The following TRPM3 variants were observed in gnomAD, a reference collection of about 807,000 sequenced individuals.
The protein encoded by TRPM3 is transient receptor potential cation channel subfamily M member 3.
Under a neutral mutation model 181.2 loss-of-function variants are expected in TRPM3, and 77 were observed. The observed-to-expected ratio is 0.42, with a 90% CI of 0.35 to 0.51. The LOEUF (loss-of-function observed/expected upper bound fraction) is 0.51. Ranked by LOEUF, TRPM3 falls within the 20% of genes least tolerant of loss-of-function variation. TRPM3 has a pLI of 0.01. For missense variants in TRPM3, 1,759 were observed against 2,196.7 expected (o/e 0.80, Z 3.98); for synonymous variants, 745 against 796.4 (o/e 0.94, Z 1.09).
rs1167374740 is a variant in TRPM3, at chr9:71,254,724, T to C, written c.183+191929A>G. ...TTGAATGCCAAACCACATTAACAAATTGGTCTTGTACATATTTAGACAGTT... is the reference window on the plus strand; with the variant it reads ...TTGAATGCCAAACCACATTAACAAACTGGTCTTGTACATATTTAGACAGTT... On this transcript the variant is annotated intron_variant, in intron 1 of 24. Transcript: ENST00000357533. Among the ~76,000 whole-genome samples, 4 of 152,274 alleles carry C rather than the reference T, an allele frequency of 2.6e-5. No individual in the cohort carries two copies. In the East Asian group the frequency reaches 7.7e-4, roughly 29 times the overall value.
At chr9:70,580,862 T>C (rs1319624242) in intron 22 of TRPM3, among the ~76,000 whole-genome samples, 4 of 152,206 alleles carry the variant, frequency 2.6e-5, no homozygotes, top group Non-Finnish European at 4.4e-5. Flanking sequence ...AACACCTCTA[T>C]GAAAATATAT....
At chr9:71,315,329 C>A (rs1272739883) in intron 1 of TRPM3, among the ~76,000 whole-genome samples, 1 of 152,122 alleles carries the variant, frequency 6.6e-6, no homozygotes, top group Non-Finnish European at 1.5e-5. Flanking sequence ...CCAAGTGATT[C>A]TATTGCATAA....
chr9:70,579,152 T>G (rs2054891360), intron 22 of TRPM3: 1 of 152,390 alleles, frequency 6.6e-6, no homozygotes, highest in South Asian at 2.1e-4. Flanking sequence ...GATTTTTATT[T>G]TTAGTTTTTT....
chr9:71,400,197 G>T (rs1040476423), intron 1 of TRPM3, among the ~76,000 whole-genome samples: 1 of 152,132 alleles, frequency 6.6e-6, no homozygotes, highest in African/African-American at 2.4e-5. Flanking sequence ...CTGGACTCAA[G>T]CAATCCACGC....
At chr9:71,322,569 A>C (rs1181839390) in intron 1 of TRPM3, among the ~76,000 whole-genome samples, 1 of 152,116 alleles carries the variant, frequency 6.6e-6, no homozygotes, top group African/African-American at 2.4e-5. Context: ...GGAAAATGTC[A>C]AATACTGTTT....
intron 1 of TRPM3, among the ~76,000 whole-genome samples, chr9:71,406,605 G>A (rs937859590): frequency 2.0e-5 from 3 of 152,128 alleles, no homozygotes; most frequent in African/African-American, 7.2e-5. Flanking sequence ...TACGGAAAAA[G>A]CAGTGTGACT....
At chr9:70,700,796 G>A (rs1454248826) in intron 8 of TRPM3, among the ~76,000 whole-genome samples, 2 of 152,176 alleles carry the variant, frequency 1.3e-5, no homozygotes, top group Admixed American at 6.5e-5. Flanking sequence ...CTATGTAGAC[G>A]TGCACACATG....
chr9:70,581,105 A>G (rs1043347005), intron 22 of TRPM3, among the ~76,000 whole-genome samples: 12 of 152,250 alleles, frequency 7.9e-5, no homozygotes, highest in African/African-American at 2.2e-4. Flanking sequence ...AGATATATAC[A>G]CAGAAGAGTC....
At chr9:71,431,524 A>C (rs537560393) in intron 1 of TRPM3, among the ~76,000 whole-genome samples, 6 of 152,316 alleles carry the variant, frequency 3.9e-5, no homozygotes, top group Admixed American at 1.3e-4. Context: ...CTTTAAGCCA[A>C]CTTCAAGAAG....
chr9:71,390,571 A>T (rs1215548394), intron 1 of TRPM3, among the ~76,000 whole-genome samples: 1 of 151,984 alleles, frequency 6.6e-6, no homozygotes. Flanking sequence ...TAGCTGGAAA[A>T]TGAGTTTGAG....
chr9:71,354,414 T>C (rs1030128693), intron 1 of TRPM3, among the ~76,000 whole-genome samples: 7 of 152,232 alleles, frequency 4.6e-5, no homozygotes, highest in African/African-American at 1.7e-4. Flanking sequence ...AACCTCACTG[T>C]GGAGACTTTA....
At chr9:71,277,476 G>T (rs983536338) in intron 1 of TRPM3, among the ~76,000 whole-genome samples, 1 of 152,136 alleles carries the variant, frequency 6.6e-6, no homozygotes, top group South Asian at 2.1e-4. Context: ...GAGGTAAAAG[G>T]CAACAGGTAT....
intron 21 of TRPM3, among the ~76,000 whole-genome samples, chr9:70,596,791 T>C (rs1316484125): frequency 6.6e-6 from 1 of 151,926 alleles, no homozygotes; most frequent in Non-Finnish European, 1.5e-5. Flanking sequence ...GTGAAAGATA[T>C]TAGCAAAGAG....
At chr9:71,147,512 C>G (rs1047676307) in intron 1 of TRPM3, among the ~76,000 whole-genome samples, 15 of 151,640 alleles carry the variant, frequency 9.9e-5, no homozygotes, top group African/African-American at 3.4e-4. Context: ...GGAAACTAAA[C>G]TCAACTGCTC....
At position 70,629,268 on chromosome 9, in the gene TRPM3, T is replaced by G. The variant is rs2065335014; in HGVS notation, c.1633-3751A>C. 1.6e-5 allele frequency among the ~76,000 whole-genome samples: 2 copies of G among 121,682 alleles called. 1 individual carries two copies. Among genetic ancestry groups the G allele is most frequent in the Admixed American group, 2.3e-4 (2 of 8,870 alleles). The allele number at this position is 121,682 out of a possible 152,430, so 79.8% of individuals were successfully genotyped here. On this transcript the variant is annotated intron_variant, in intron 12 of 25. Coordinates refer to ENST00000677713, the MANE Select transcript of TRPM3 (RefSeq NM_001366145.2). ...TGACCACAAGGGGGCGATATTCACCTAACCGAAGCCAATGAGAATTCCTCC... is the reference window on the plus strand; with the variant it reads ...TGACCACAAGGGGGCGATATTCACCGAACCGAAGCCAATGAGAATTCCTCC...
At chr9:70,752,011 T>C (rs1194734222) in intron 8 of TRPM3, among the ~76,000 whole-genome samples, 2 of 113,434 alleles carry the variant, frequency 1.8e-5, no homozygotes, top group Non-Finnish European at 3.8e-5. Flanking sequence ...TGTGTGTGTG[T>C]GTGTGTGTGT....
chr9:71,075,594 T>C (rs2063346871), intron 1 of TRPM3, among the ~76,000 whole-genome samples: 1 of 152,196 alleles, frequency 6.6e-6, no homozygotes, highest in African/African-American at 2.4e-5. Context: ...TAAAAACCTA[T>C]AAACATTTGC....
chr9:71,007,076 AGACTAAGTCAGG>A (rs2097686630), intron 1 of TRPM3, among the ~76,000 whole-genome samples: 3 of 136,798 alleles, frequency 2.2e-5, no homozygotes, highest in Admixed American at 7.4e-5. Context: ...AAGAAAAAAA[AGACTAAGTCAGG>A]AACAGAAAAA....
chr9:70,558,546 A>G (rs1039376180), intron 22 of TRPM3, among the ~76,000 whole-genome samples: 1 of 152,154 alleles, frequency 6.6e-6, no homozygotes, highest in Non-Finnish European at 1.5e-5. Flanking sequence ...TTCTTCCCCA[A>G]AGTATAAAGT....
Sources: allele counts gnomAD v4.1 joint callset (sites outside exome capture counted in the v4.1 genomes callset), GRCh38; gene constraint gnomAD v4.1.1; transcripts MANE v1.5; gene names NCBI Gene and HGNC (gene_info 2026-07-23, HGNC 2026-07-21).